The following GAGE10 variants were observed in gnomAD, a reference collection of about 807,000 sequenced individuals.
GAGE10 encodes G antigen 10.
GAGE10 carries 9 observed loss-of-function variants against 11.5 expected under a neutral mutation model. That is an observed-to-expected ratio of 0.78 (90% confidence interval 0.47 to 1.37). The LOEUF (loss-of-function observed/expected upper bound fraction) is 1.37, where lower values mean the gene tolerates loss of function less well. GAGE10 is among the 40% of genes most tolerant of loss of function. The pLI is 0.00. For missense variants in GAGE10, 83 were observed against 92.9 expected (o/e 0.89, Z 0.44); for synonymous variants, 23 against 29.7 (o/e 0.77, Z 0.73).
At chrX:49,316,100 G>GTTGT (rs1307018853) in intron 3 of GAGE10, among the ~76,000 whole-genome samples, 5 of 111,755 alleles carry the variant, frequency 4.5e-5, no homozygotes, top group Admixed American at 1.9e-4. Flanking sequence ...CAAAAACTCA[G>GTTGT]TTGTTTGTAA....
At chrX:49,307,660 T>A (rs1488124197) in intron 3 of GAGE10, among the ~76,000 whole-genome samples, 1 of 111,386 alleles carries the variant, frequency 9.0e-6, no homozygotes, top group African/African-American at 3.3e-5. Flanking sequence ...TCCTTTTTTT[T>A]GTTTGTTTGT....
intron 3 of GAGE10, among the ~76,000 whole-genome samples, chrX:49,310,922 G>T (rs1187613753): frequency 8.9e-6 from 1 of 111,867 alleles, no homozygotes; most frequent in Non-Finnish European, 1.9e-5. Flanking sequence ...ACTTACTCCA[G>T]AAACTGCAGG....
chrX:49,316,550 G>A (rs2066392297), intron 3 of GAGE10, among the ~76,000 whole-genome samples: 1 of 111,211 alleles, frequency 9.0e-6, no homozygotes, highest in East Asian at 2.8e-4. Flanking sequence ...GAGACCCCAC[G>A]CCCAACGCAG....
chrX:49,304,646 C>G (rs1463842814), intron 1 of GAGE10, among the ~76,000 whole-genome samples: 1 of 113,003 alleles, frequency 8.8e-6, no homozygotes, highest in Non-Finnish European at 1.9e-5. Context: ...TTTTGTCACA[C>G]GCCTTAAGAT....
At chrX:49,306,426 A>G (rs782814381) in intron 3 of GAGE10, among the ~76,000 whole-genome samples, 81 of 111,865 alleles carry the variant, frequency 7.2e-4, no homozygotes, top group Non-Finnish European at 1.3e-3. Context: ...TACATTTAGG[A>G]CCTTTGGACC....
chrX:49,310,966 C>T (rs1557124675), intron 3 of GAGE10, among the ~76,000 whole-genome samples: 1 of 111,650 alleles, frequency 9.0e-6, no homozygotes. Flanking sequence ...GGGAATATGA[C>T]ACTGGAGTTT....
chrX:49,310,637 G>A (rs2066373400), intron 3 of GAGE10, among the ~76,000 whole-genome samples: 1 of 110,645 alleles, frequency 9.0e-6, no homozygotes, highest in South Asian at 3.9e-4. Flanking sequence ...GAGACAGACC[G>A]GGCTCCATCC....
chrX:49,308,707 G>C (rs1178106048), intron 3 of GAGE10, among the ~76,000 whole-genome samples: 2 of 112,065 alleles, frequency 1.8e-5, no homozygotes, highest in South Asian at 7.3e-4. Context: ...CAGCAAGGAA[G>C]AGCTTGCTGG....
chrX:49,314,410 C>T (rs1267249783), intron 3 of GAGE10, among the ~76,000 whole-genome samples: 4 of 112,636 alleles, frequency 3.6e-5, no homozygotes, highest in Non-Finnish European at 7.5e-5. Flanking sequence ...CAGTGGTCTA[C>T]ACTAACACAG....
intron 3 of GAGE10, among the ~76,000 whole-genome samples, chrX:49,308,760 G>A (rs1277722505): frequency 9.0e-6 from 1 of 111,282 alleles, no homozygotes; most frequent in Non-Finnish European, 1.9e-5. Flanking sequence ...GGAGTGTGTG[G>A]GTGTGTGTGT....
chrX:49,315,055 A>G (rs2066387048), intron 3 of GAGE10, among the ~76,000 whole-genome samples: 1 of 111,896 alleles, frequency 8.9e-6, no homozygotes, highest in African/African-American at 3.3e-5. Context: ...AATGACTCCT[A>G]CTTACCAGAT....
intron 3 of GAGE10, among the ~76,000 whole-genome samples, chrX:49,315,762 T>C (rs1427638399): frequency 1.8e-5 from 2 of 112,323 alleles, no homozygotes; most frequent in Non-Finnish European, 3.8e-5. Context: ...TCCTTGGATT[T>C]GTTGTTTGGA....
At position 49,317,308 on chromosome X, in the gene GAGE10, T is replaced by A; in HGVS notation, c.328+20T>A. ...AAGAAGGTAGGGAATCCATTAGGCA[T>A]GCACATTGTAGGGTGTCTGTTTCCA... On this transcript the variant is annotated intron_variant, in intron 4 of 4. Coordinates refer to ENST00000407599, the MANE Select transcript of GAGE10 (RefSeq NM_001098413.4). 1 of 1,192,553 alleles carries A rather than the reference T, an allele frequency of 8.4e-7. No individual in the cohort carries two copies. The highest frequency in any genetic ancestry group is 1.1e-6 in the Non-Finnish European group (1 of 882,876).
At position 49,317,208 on chromosome X, in the gene GAGE10, C is replaced by T; in HGVS notation, c.248C>T (p.Thr83Ile). ...ADSQEQVHPK[T>I]GCECGDGPDG... ...AGCCAGGAACAGGTTCACCCAAAGA[C>T]TGGGTGTGAGTGTGGAGATGGTCCT... Residue 83 changes from threonine to isoleucine, a missense_variant, in exon 4 of 5, where the codon ACT becomes ATT. Physicochemically the swap from Thr to Ile is moderately conservative, Grantham distance 89. Coordinates refer to ENST00000407599, the MANE Select transcript of GAGE10 (RefSeq NM_001098413.4). The T allele has an allele frequency of 8.3e-7, 1 of 1,206,674 alleles. No individual in the cohort carries two copies.
intron 3 of GAGE10, among the ~76,000 whole-genome samples, chrX:49,311,071 A>G (rs2147986929): frequency 9.0e-6 from 1 of 110,961 alleles, no homozygotes; most frequent in South Asian, 3.8e-4. Flanking sequence ...CCGGAGCCAG[A>G]CCTACACAAT....
intron 3 of GAGE10, among the ~76,000 whole-genome samples, chrX:49,309,280 G>T (rs1481410089): frequency 1.8e-5 from 2 of 112,373 alleles, no homozygotes; most frequent in Non-Finnish European, 3.8e-5. Context: ...AAAAGATTTA[G>T]AGGTGATTAT....
chrX:49,317,039 T>A, intron 3 of GAGE10, 124 bp from the exon 4 acceptor site: 3 of 877,635 alleles, frequency 3.4e-6, no homozygotes, highest in Non-Finnish European at 4.6e-6. Flanking sequence ...GGGATTCTTA[T>A]CAACATATTT....
chrX:49,315,806 C>T (rs782678372), intron 3 of GAGE10, among the ~76,000 whole-genome samples: 2 of 111,923 alleles, frequency 1.8e-5, no homozygotes, highest in East Asian at 5.6e-4. Flanking sequence ...ATTCAAAACT[C>T]TCATTGGTGG....
chrX:49,316,764 T>C (rs2066393202), intron 3 of GAGE10, among the ~76,000 whole-genome samples: 1 of 112,042 alleles, frequency 8.9e-6, no homozygotes, highest in African/African-American at 3.2e-5. Flanking sequence ...TTTCATGTCT[T>C]TTTTAAAGAC....
Sources: allele counts gnomAD v4.1 joint callset (sites outside exome capture counted in the v4.1 genomes callset), GRCh38; gene constraint gnomAD v4.1.1; transcripts MANE v1.5; gene names NCBI Gene and HGNC (gene_info 2026-07-23, HGNC 2026-07-21).